NAPB: variants seen among roughly 807,000 people sequenced by gnomAD.
NAPB encodes the protein beta-soluble NSF attachment protein.
In NAPB, 26 loss-of-function variants were observed where a neutral mutation model predicts 44.7. The observed-to-expected ratio is 0.58, with a 90% CI of 0.43 to 0.81. The LOEUF (loss-of-function observed/expected upper bound fraction) is 0.81, where lower values mean the gene tolerates loss of function less well. Among genes scored for constraint, NAPB ranks in the 30% least tolerant of loss-of-function variants. NAPB has a pLI of 0.00. For synonymous variants in NAPB, 120 were observed against 116.8 expected (o/e 1.03, Z -0.18); for missense variants, 315 against 356.4 (o/e 0.88, Z 0.94).
At chr20:23,409,438 T>C (rs1324199597) in intron 1 of NAPB, among the ~76,000 whole-genome samples, 1 of 152,198 alleles carries the variant, frequency 6.6e-6, no homozygotes, top group Non-Finnish European at 1.5e-5. Flanking sequence ...GCCTCAACTT[T>C]ATATGGGGAG....
intron 5 of NAPB, 22 bp from the exon 6 acceptor site, chr20:23,390,286 TCA>T (rs1057151521): frequency 5.7e-6 from 9 of 1,586,376 alleles, no homozygotes; most frequent in African/African-American, 1.3e-5. Flanking sequence ...CATATTTTAT[TCA>T]CACACAATTT....
At chr20:23,409,448 G>A (rs1363877588) in intron 1 of NAPB, among the ~76,000 whole-genome samples, 1 of 152,154 alleles carries the variant, frequency 6.6e-6, no homozygotes, top group Admixed American at 6.5e-5. Flanking sequence ...TATATGGGGA[G>A]TAGTCATCTT....
chr20:23,416,395 A>T (rs1457783499), intron 1 of NAPB, among the ~76,000 whole-genome samples: 1 of 152,228 alleles, frequency 6.6e-6, no homozygotes, highest in Non-Finnish European at 1.5e-5. Flanking sequence ...GCTCTGTGCA[A>T]CTGAATAAGC....
Position 23,395,078 on chromosome 20 carries a change from T to C in NAPB, c.342+61A>G, listed in dbSNP as rs1041388726. The C allele has an allele frequency of 7.4e-6, 12 of 1,612,288 alleles. No homozygotes were observed. In the East Asian group the frequency reaches 8.9e-5, roughly 12 times the overall value. ...AGTTTGGGAACATAAAAAAGAAAGATAGAACTCTAAGCCATCTCAAGACTC... is the reference window on the plus strand; with the variant it reads ...AGTTTGGGAACATAAAAAAGAAAGACAGAACTCTAAGCCATCTCAAGACTC... On this transcript the variant is annotated intron_variant, in intron 4 of 10. Transcript: ENST00000377026.
At chr20:23,381,794 C>T (rs1370306831) in intron 7 of NAPB, among the ~76,000 whole-genome samples, 1 of 152,060 alleles carries the variant, frequency 6.6e-6, no homozygotes, top group African/African-American at 2.4e-5. Context: ...AAGGGGCAGC[C>T]CAGCAAGAGA....
chr20:23,381,065 G>C, intron 8 of NAPB, 148 bp downstream of exon 8: 1 of 603,022 alleles, frequency 1.7e-6, no homozygotes, highest in South Asian at 1.9e-5. Context: ...ATTACAACTG[G>C]GACACATACC....
At chr20:23,408,983 A>G (rs988588979) in intron 1 of NAPB, among the ~76,000 whole-genome samples, 2 of 152,264 alleles carry the variant, frequency 1.3e-5, no homozygotes, top group Non-Finnish European at 2.9e-5. Context: ...GGCAGCATTT[A>G]AATGTTTCAC....
At chr20:23,389,231 T>TTA (rs1555790830) in intron 7 of NAPB, among the ~76,000 whole-genome samples, 2 of 115,394 alleles carry the variant, frequency 1.7e-5, no homozygotes, top group African/African-American at 6.7e-5. Flanking sequence ...GACTATTATT[T>TTA]AAAAAAAAAA....
chr20:23,418,816 G>A (rs1007917991), intron 1 of NAPB, among the ~76,000 whole-genome samples: 2 of 151,848 alleles, frequency 1.3e-5, no homozygotes, highest in African/African-American at 2.4e-5. Context: ...GCGTGGTGGC[G>A]GGTGGCTGTA....
intron 9 of NAPB, 93 bp downstream of exon 9, chr20:23,379,774 T>G (rs1430099775): frequency 3.2e-6 from 3 of 942,334 alleles, no homozygotes; most frequent in Non-Finnish European, 4.9e-6. Flanking sequence ...GCAGACTTTA[T>G]AGATTAAAAC....
chr20:23,400,778 T>A (rs759602674), intron 2 of NAPB, among the ~76,000 whole-genome samples: 6 of 152,080 alleles, frequency 3.9e-5, no homozygotes, highest in Non-Finnish European at 5.9e-5. Context: ...CTAATATTCA[T>A]CCACTCAACA....
At chr20:23,397,773 G>A (rs1323883726) in intron 2 of NAPB, among the ~76,000 whole-genome samples, 7 of 152,066 alleles carry the variant, frequency 4.6e-5, no homozygotes, top group Admixed American at 4.6e-4. Context: ...ATTTATATGA[G>A]GTTTAATCTA....
chr20:23,387,034 C>T (rs1042585691), intron 7 of NAPB, among the ~76,000 whole-genome samples: 4 of 152,020 alleles, frequency 2.6e-5, no homozygotes, highest in East Asian at 1.9e-4. Flanking sequence ...AAAAACCATA[C>T]GCTTATCTCA....
At chr20:23,387,052 C>G (rs948478419) in intron 7 of NAPB, among the ~76,000 whole-genome samples, 4 of 151,836 alleles carry the variant, frequency 2.6e-5, no homozygotes, top group Non-Finnish European at 5.9e-5. Context: ...TCAATAGATG[C>G]AGAAAAAAGT....
chr20:23,390,147 A>G, intron 6 of NAPB, 62 bp downstream of exon 6: 1 of 1,526,316 alleles, frequency 6.6e-7, no homozygotes, highest in Admixed American at 1.7e-5. Flanking sequence ...AAGTATAAAG[A>G]AGTATTTTTT....
intron 1 of NAPB, among the ~76,000 whole-genome samples, chr20:23,418,961 A>C (rs1415009210): frequency 6.6e-6 from 1 of 152,004 alleles, no homozygotes; most frequent in Non-Finnish European, 1.5e-5. Flanking sequence ...AAAAAAAATC[A>C]ATGATGCAGT....
chr20:23,394,967 A>T lies in NAPB; in HGVS notation c.375T>A (p.Ile125=). Residue 125 remains isoleucine, a synonymous_variant, in exon 5 of 11, where the codon ATT becomes ATA. Coordinates refer to ENST00000377026, the MANE Select transcript of NAPB (RefSeq NM_022080.3). The part of the protein sequence containing the change: ...GRFTIAAKHH[I]TIAEIYETEL... ...CAGTCTCATAGATCTCTGCAATAGT[A>T]ATGTGGTGCTTGGCTGCAATTGTAA... 6.2e-7 allele frequency: 1 copy of T among 1,614,176 alleles called. No individual in the cohort carries two copies. The highest frequency in any genetic ancestry group is 8.5e-7 in the Non-Finnish European group (1 of 1,180,012).
intron 5 of NAPB, among the ~76,000 whole-genome samples, chr20:23,392,814 T>G (rs1984068220): frequency 6.6e-6 from 1 of 152,022 alleles, no homozygotes; most frequent in Non-Finnish European, 1.5e-5. Flanking sequence ...TCAGCCACTG[T>G]ACCTGGCCTT....
intron 8 of NAPB, among the ~76,000 whole-genome samples, chr20:23,380,278 T>G (rs1464448492): frequency 6.6e-6 from 1 of 152,220 alleles, no homozygotes; most frequent in African/African-American, 2.4e-5. Context: ...ACATTTAGCT[T>G]CCTGCTCGAA....
Sources: allele counts gnomAD v4.1 joint callset (sites outside exome capture counted in the v4.1 genomes callset), GRCh38; gene constraint gnomAD v4.1.1; transcripts MANE v1.5; gene names NCBI Gene and HGNC (gene_info 2026-07-23, HGNC 2026-07-21).